Variants in METTL25 observed in about 807,000 individuals in gnomAD.
The protein encoded by METTL25 is probable methyltransferase-like protein 25.
A neutral mutation model predicts 71.6 loss-of-function variants in METTL25; 64 were observed. That is an observed-to-expected ratio of 0.89 (90% CI 0.73 to 1.10). METTL25 has a LOEUF of 1.10. Among genes scored for constraint, METTL25 ranks in the 50% least tolerant of loss-of-function variants. The probability of loss-of-function intolerance (pLI) is 0.00; values close to 1 mark genes in which losing one functional copy is unlikely to be tolerated. For missense variants in METTL25, 807 were observed against 707.0 expected (o/e 1.14, Z -1.60); for synonymous variants, 287 against 250.3 (o/e 1.15, Z -1.38).
At chr12:82,395,081 A>G (rs1195103156) in intron 3 of METTL25, among the ~76,000 whole-genome samples, 2 of 151,970 alleles carry the variant, frequency 1.3e-5, no homozygotes, top group Non-Finnish European at 2.9e-5. Flanking sequence ...TGAGACTGGA[A>G]GCCACTGGAG....
At chr12:82,471,380 C>A (rs1892559609) in intron 9 of METTL25, among the ~76,000 whole-genome samples, 1 of 152,176 alleles carries the variant, frequency 6.6e-6, no homozygotes, top group Admixed American at 6.5e-5. Flanking sequence ...GGCACCTGCC[C>A]TATTCTCTAT....
intron 3 of METTL25, among the ~76,000 whole-genome samples, chr12:82,390,615 A>T (rs924024960): frequency 6.6e-6 from 1 of 152,058 alleles, no homozygotes; most frequent in African/African-American, 2.4e-5. Flanking sequence ...GAATCTTTCC[A>T]TGGATTCATC....
chr12:82,369,755 A>G (rs568449941), intron 1 of METTL25, among the ~76,000 whole-genome samples: 47 of 137,794 alleles, frequency 3.4e-4, no homozygotes, highest in Non-Finnish European at 6.4e-4. Flanking sequence ...TCCATTTTAC[A>G]CAGTGCTGAT....
At chr12:82,361,823 A>C (rs924314460) in intron 1 of METTL25, among the ~76,000 whole-genome samples, 1 of 152,176 alleles carries the variant, frequency 6.6e-6, no homozygotes, top group Admixed American at 6.5e-5. Context: ...CTGCAAGCTG[A>C]GAGAGCCAGC....
At chr12:82,383,172 C>T (rs916457220) in intron 1 of METTL25, among the ~76,000 whole-genome samples, 3 of 151,922 alleles carry the variant, frequency 2.0e-5, no homozygotes, top group Non-Finnish European at 2.9e-5. Context: ...TCAGGTCTCC[C>T]TAATGCTTTT....
intron 5 of METTL25, among the ~76,000 whole-genome samples, chr12:82,413,596 T>C (rs1199594258): frequency 6.6e-6 from 1 of 152,042 alleles, no homozygotes; most frequent in Non-Finnish European, 1.5e-5. Context: ...ATCGGTTAGC[T>C]TTTGTGGATC....
Position 82,386,892 on chromosome 12 carries a change from G to A in METTL25, c.349G>A (p.Val117Ile). ...AFALAAKYYS[V>I]QNLGICTPFE... ...TGCTCTGGCTGCGAAATACTATTCT[G>A]TACAAAACTTGGGAATATGTACTCC... The change falls in exon 2 of 12, where the codon GTA becomes ATA. Residue 117 changes from valine to isoleucine, a missense_variant. By Grantham distance (29) the Val-to-Ile change is conservative. Coordinates refer to ENST00000248306, the MANE Select transcript of METTL25 (RefSeq NM_032230.3). 6.2e-7 allele frequency: 1 copy of A among 1,613,428 alleles called. No homozygotes were observed. Among genetic ancestry groups the A allele is most frequent in the Admixed American group, 1.7e-5 (1 of 59,938 alleles).
At chr12:82,360,174 T>C (rs942105814) in intron 1 of METTL25, among the ~76,000 whole-genome samples, 2 of 152,216 alleles carry the variant, frequency 1.3e-5, no homozygotes, top group African/African-American at 4.8e-5. Context: ...CTCTCAAGTT[T>C]AGAGTGTAAG....
chr12:82,402,235 A>C (rs2137021652), intron 4 of METTL25, among the ~76,000 whole-genome samples: 1 of 152,104 alleles, frequency 6.6e-6, no homozygotes, highest in South Asian at 2.1e-4. Context: ...GCGGTGTATA[A>C]ACTAAGCTTT....
chr12:82,474,023 G>GCATA (rs1376919005), intron 9 of METTL25, among the ~76,000 whole-genome samples: 1 of 152,096 alleles, frequency 6.6e-6, no homozygotes, highest in Non-Finnish European at 1.5e-5. Context: ...TAGAAGCTTG[G>GCATA]CATACAAGGC....
chr12:82,433,374 C>T (rs1426568250), intron 6 of METTL25, among the ~76,000 whole-genome samples: 3 of 151,514 alleles, frequency 2.0e-5, no homozygotes, highest in Non-Finnish European at 4.4e-5. Flanking sequence ...CTGTTCTGGA[C>T]CTGTTGCTGT....
intron 5 of METTL25, chr12:82,407,879 A>G: frequency 3.0e-6 from 3 of 984,640 alleles, no homozygotes; most frequent in Non-Finnish European, 3.6e-6. Flanking sequence ...AAGGTAACAT[A>G]CTCCCTTTTC....
At chr12:82,426,339 G>C (rs936764758) in intron 5 of METTL25, among the ~76,000 whole-genome samples, 1 of 152,014 alleles carries the variant, frequency 6.6e-6, no homozygotes, top group Non-Finnish European at 1.5e-5. Flanking sequence ...CTTCAAGATG[G>C]TTATGTAACC....
At chr12:82,359,597 C>CTGAGTAACTCAGTAGTACAACATCCA (rs1881538789) in intron 1 of METTL25, among the ~76,000 whole-genome samples, 1 of 152,224 alleles carries the variant, frequency 6.6e-6, no homozygotes, top group Non-Finnish European at 1.5e-5. Flanking sequence ...AGTAGTACAA[C>CTGAGTAACTCAGTAGTACAACATCCA]AGATGATTGT....
chr12:82,428,300 G>C (rs2137135605), intron 5 of METTL25, among the ~76,000 whole-genome samples: 1 of 151,952 alleles, frequency 6.6e-6, no homozygotes, highest in Non-Finnish European at 1.5e-5. Context: ...TTAGTACTAG[G>C]AATAAGGAGA....
intron 1 of METTL25, among the ~76,000 whole-genome samples, chr12:82,379,405 T>A (rs1381468816): frequency 2.0e-5 from 3 of 152,242 alleles, no homozygotes. Flanking sequence ...TATATTTGAT[T>A]TATCAAATTT....
Position 82,460,954 on chromosome 12 carries a change from T to C in METTL25, c.1572+4134T>C, listed in dbSNP as rs570216354. Among the ~76,000 whole-genome samples the C allele has an allele frequency of 2.8e-3, 427 of 152,230 alleles. 1 individual carries two copies. Among genetic ancestry groups the C allele is most frequent in the Middle Eastern group, 0.01 (3 of 294 alleles). The stretch of plus-strand genomic sequence containing the variant: ...GTTAGGAGATGGAGACCATCCTGGC[T>C]AACACAGTGAAACCCCATCTCTACT... On this transcript the variant is annotated intron_variant, in intron 9 of 11. Transcript: ENST00000248306.
At chr12:82,388,658 AC>A (rs1885280687) in intron 2 of METTL25, 1 of 152,164 alleles carries the variant, frequency 6.6e-6, no homozygotes, top group South Asian at 2.1e-4. Context: ...CAGCAAAACC[AC>A]CATTCAAGGT....
rs1881282693 is a variant in METTL25, at chr12:82,358,611, C to G, written c.46C>G (p.Leu16Val). The G allele has an allele frequency of 6.2e-7, 1 of 1,613,748 alleles. No homozygotes were observed. ...CCCGGTGACCCCGGACCTGCCCACGCTGCGTGCCAAGTTGCAGGGACTGCT... is the reference window on the plus strand; with the variant it reads ...CCCGGTGACCCCGGACCTGCCCACGGTGCGTGCCAAGTTGCAGGGACTGCT... ...PLPVTPDLPT[L>V]RAKLQGLLQF... The change falls in exon 1 of 12, where the codon CTG becomes GTG. Residue 16 changes from leucine (L) to valine (V), a missense_variant. Leu to Val is a conservative substitution (Grantham distance 32). Transcript: ENST00000248306.
Sources: gnomAD v4.1 joint callset for allele counts (sites outside exome capture counted in the v4.1 genomes callset) on GRCh38, gnomAD v4.1.1 for gene constraint, MANE v1.5 for transcripts, NCBI Gene and HGNC (gene_info 2026-07-23, HGNC 2026-07-21) for gene names.